RABEP1: variants seen among roughly 807,000 people sequenced by gnomAD.
RABEP1 encodes the protein rabaptin, RAB GTPase binding effector protein 1, also known as rab GTPase-binding effector protein 1.
Under a neutral mutation model 123.4 loss-of-function variants are expected in RABEP1, and 51 were observed. The ratio of observed to expected loss-of-function variants is 0.41; its 90% CI spans 0.33 to 0.52. The LOEUF (loss-of-function observed/expected upper bound fraction) is 0.52, where lower values mean the gene tolerates loss of function less well. Among genes scored for constraint, RABEP1 ranks in the 20% least tolerant of loss-of-function variants. The pLI, the probability that RABEP1 is intolerant of heterozygous loss-of-function variation, is 0.16. For missense variants in RABEP1, 888 were observed against 996.3 expected (o/e 0.89, Z 1.46); for synonymous variants, 347 against 355.2 (o/e 0.98, Z 0.26).
intron 6 of RABEP1, among the ~76,000 whole-genome samples, chr17:5,349,102 C>G (rs535799693): frequency 1.6e-3 from 251 of 152,266 alleles, no homozygotes; most frequent in Non-Finnish European, 1.1e-3. Flanking sequence ...TGTGGACTTG[C>G]CTATTCTGGA....
At chr17:5,287,723 C>T (rs989695859) in intron 1 of RABEP1, among the ~76,000 whole-genome samples, 16 of 151,622 alleles carry the variant, frequency 1.1e-4, no homozygotes, top group African/African-American at 3.4e-4. Flanking sequence ...AGTTTGAGAC[C>T]AGCCTGGGCA....
chr17:5,282,622 G>A, intron 1 of RABEP1, 102 bp downstream of exon 1: 3 of 824,080 alleles, frequency 3.6e-6, no homozygotes, highest in Non-Finnish European at 4.5e-6. Flanking sequence ...GCGCGCGCAG[G>A]CCCCGGGGGT....
At chr17:5,372,448 C>A (rs1443267044) in intron 12 of RABEP1, among the ~76,000 whole-genome samples, 1 of 151,870 alleles carries the variant, frequency 6.6e-6, no homozygotes, top group Non-Finnish European at 1.5e-5. Flanking sequence ...GAGACTGTCT[C>A]AAAAGAAAAA....
chr17:5,325,733 G>A (rs1013619401), intron 2 of RABEP1, among the ~76,000 whole-genome samples: 26 of 151,050 alleles, frequency 1.7e-4, no homozygotes, highest in East Asian at 7.7e-4. Context: ...AAAAAAAACC[G>A]ACAAATATTT....
chr17:5,361,677 TGA>T lies in RABEP1; in HGVS notation c.1563+4_1563+5del. ...GAATGGAATCTCTTGCAGAAAGAGG[TGA>T]GTTACCTTTCTCACGTTTTTCCTCT... On this transcript the variant is annotated splice_donor_region_variant and intron_variant, in intron 9 of 17. Coordinates refer to ENST00000537505, the MANE Select transcript of RABEP1 (RefSeq NM_004703.6). 6.3e-7 allele frequency: 1 copy of T among 1,592,342 alleles called. No individual in the cohort carries two copies. The highest frequency in any genetic ancestry group is 8.5e-7 in the Non-Finnish European group (1 of 1,169,664).
intron 1 of RABEP1, among the ~76,000 whole-genome samples, chr17:5,285,807 G>A (rs2074972133): frequency 1.3e-5 from 2 of 152,152 alleles, no homozygotes; most frequent in Non-Finnish European, 2.9e-5. Flanking sequence ...TTATGTACTA[G>A]ATCATGGACT....
chr17:5,289,032 C>G (rs780409576), intron 1 of RABEP1, among the ~76,000 whole-genome samples: 11 of 152,144 alleles, frequency 7.2e-5, no homozygotes, highest in Non-Finnish European at 1.6e-4. Context: ...ATTTGCACTT[C>G]CAGGATAGGA....
chr17:5,311,372 G>T (rs1278036077), intron 2 of RABEP1, among the ~76,000 whole-genome samples: 1 of 151,960 alleles, frequency 6.6e-6, no homozygotes. Context: ...TAAATACACA[G>T]TTGATCACAT....
intron 1 of RABEP1, among the ~76,000 whole-genome samples, chr17:5,295,807 T>C (rs1597329301): frequency 6.6e-6 from 1 of 152,192 alleles, no homozygotes; most frequent in Non-Finnish European, 1.5e-5. Context: ...CTGAGTTTCT[T>C]CAGTTTTCTG....
At chr17:5,336,516 T>C (rs1176370007) in intron 4 of RABEP1, 3 of 473,774 alleles carry the variant, frequency 6.3e-6, no homozygotes, top group Non-Finnish European at 1.2e-5. Flanking sequence ...ATATTGCATT[T>C]AGTTGTGTCT....
intron 1 of RABEP1, among the ~76,000 whole-genome samples, chr17:5,289,716 C>CT (rs1312621068): frequency 6.6e-6 from 1 of 151,972 alleles, no homozygotes; most frequent in Non-Finnish European, 1.5e-5. Flanking sequence ...GCAGAGCACC[C>CT]TTTATTTTTT....
intron 9 of RABEP1, chr17:5,362,008 A>G (rs1388740029): frequency 3.3e-5 from 8 of 238,934 alleles, no homozygotes; most frequent in South Asian, 7.7e-5. Flanking sequence ...GCAGTTTTCT[A>G]TAATCTCAGT....
chr17:5,359,454 A>G (rs11078559), intron 8 of RABEP1, among the ~76,000 whole-genome samples: 93,974 of 151,952 alleles, frequency 0.62, 30,708 homozygotes, highest in East Asian at 0.97. Flanking sequence ...AGCACTGTAT[A>G]TGATACATAG....
rs1257137810 is a variant in RABEP1 at position 5,383,816 on chromosome 17, T to G, written c.*593T>G. ...GCTACTGAAACTTACCTGAGAACCA[T>G]AGGACTGTGGCAAACAAAACCAATT... On this transcript the variant is annotated 3_prime_UTR_variant, in exon 18 of 18. Transcript: ENST00000537505. 1 of 224,518 alleles carries G rather than the reference T, an allele frequency of 4.5e-6. No homozygotes were observed. Among genetic ancestry groups the G allele is most frequent in the East Asian group, 6.6e-5 (1 of 15,216 alleles). 13.9% of individuals were successfully genotyped at this position (224,518 alleles called of 1,614,324 possible).
chr17:5,339,096 A>G (rs1907348914), intron 5 of RABEP1, among the ~76,000 whole-genome samples: 1 of 151,950 alleles, frequency 6.6e-6, no homozygotes, highest in Non-Finnish European at 1.5e-5. Flanking sequence ...GTTTGAGACT[A>G]CAGTGAACTG....
chr17:5,363,151 T>A (rs1909705783), intron 10 of RABEP1, 135 bp downstream of exon 10: 1 of 662,216 alleles, frequency 1.5e-6, no homozygotes, highest in Non-Finnish European at 2.7e-6. Flanking sequence ...TGAAATAACC[T>A]GGTACATGCA....
chr17:5,338,077 C>T lies in RABEP1; in HGVS notation c.587C>T (p.Ala196Val). ...GTGATGCCAATGGAAAAGGAAATTG[C>T]AGCTTTGAAGGATAAACTGACAGAG... ...SVVMPMEKEIAALKDKLTEAE... is the reference protein window; with the variant it reads ...SVVMPMEKEIVALKDKLTEAE... Residue 196 changes from alanine to valine, a missense_variant, in exon 5 of 18, where the codon GCA becomes GTA. Physicochemically the swap from Ala to Val is moderately conservative, Grantham distance 64 (BLOSUM62 0). Coordinates refer to ENST00000537505, the MANE Select transcript of RABEP1 (RefSeq NM_004703.6). 6.2e-7 allele frequency: 1 copy of T among 1,613,326 alleles called. No individual in the cohort carries two copies. Among genetic ancestry groups the T allele is most frequent in the South Asian group, 1.1e-5 (1 of 91,010 alleles).
In RABEP1 at chr17:5,373,408, T is replaced by G. The variant is rs202219375; in HGVS notation, c.1979T>G (p.Val660Gly). 383 of 1,613,000 alleles carry G rather than the reference T, an allele frequency of 2.4e-4. No individual in the cohort carries two copies. Among genetic ancestry groups the G allele is most frequent in the Non-Finnish European group, 3.0e-4 (356 of 1,179,810 alleles). The change falls in exon 13 of 18, where the codon GTG (valine) becomes GGG (glycine). Residue 660 changes from valine to glycine, a missense_variant. Transcript: ENST00000537505. ...DSLQGKHSLH[V>G]SLQQAEDFIL... ...CTCCAGGGAAAGCACAGCCTGCATG[T>G]GTCATTACAGCAAGCAGAAGACTTC...
At position 5,383,827 on chromosome 17, in the gene RABEP1, C is replaced by A. The variant is rs1303078101; in HGVS notation, c.*604C>A. The A allele has an allele frequency of 4.5e-6, 1 of 223,990 alleles. No homozygotes were observed. Among genetic ancestry groups the A allele is most frequent in the East Asian group, 6.6e-5 (1 of 15,216 alleles). 13.9% of individuals were successfully genotyped at this position (223,990 alleles called of 1,614,324 possible). A position where few individuals can be genotyped will look rare whatever the true frequency, so the allele number is the denominator to read the frequency against. ...TTACCTGAGAACCATAGGACTGTGG[C>A]AAACAAAACCAATTCATGAAGTGAA... On this transcript the variant is annotated 3_prime_UTR_variant, in exon 18 of 18. Coordinates refer to ENST00000537505, the MANE Select transcript of RABEP1 (RefSeq NM_004703.6).
Sources: gnomAD v4.1 joint callset for allele counts (sites outside exome capture counted in the v4.1 genomes callset) on GRCh38, gnomAD v4.1.1 for gene constraint, MANE v1.5 for transcripts, NCBI Gene and HGNC (gene_info 2026-07-23, HGNC 2026-07-21) for gene names.